ELMOD1: variants seen among roughly 807,000 people sequenced by gnomAD.
ELMOD1 encodes the protein ELMO domain-containing protein 1.
A neutral mutation model predicts 46.7 loss-of-function variants in ELMOD1; 21 were observed. That is an observed-to-expected ratio of 0.45 (90% CI 0.32 to 0.65). The LOEUF is 0.65. Ranked by LOEUF, ELMOD1 falls within the 30% of genes least tolerant of loss-of-function variation. The pLI is 0.04. For synonymous variants in ELMOD1, 122 were observed against 138.2 expected, an observed-to-expected ratio of 0.88 and a Z score of 0.82; for missense variants, 348 against 407.8, an observed-to-expected ratio of 0.85 and a Z score of 1.26.
rs1866824552 is a variant in ELMOD1, at chr11:107,665,323, T to TTTTCATCTC, written c.*129_*137dup. 1 of 959,716 alleles carries TTTTCATCTC rather than the reference T, an allele frequency of 1.0e-6. No individual in the cohort carries two copies. Among genetic ancestry groups the TTTTCATCTC allele is most frequent in the South Asian group, 1.6e-5 (1 of 60,614 alleles). 59.5% of individuals were successfully genotyped at this position (959,716 alleles called of 1,614,324 possible). A position where few individuals can be genotyped will look rare whatever the true frequency, so the allele number is the denominator to read the frequency against. ...TGTATGCATGCCTTTTGGTACAGTG[T>TTTTCATCTC]TTTCATCTCTTGGTCATAATTCCGA... On this transcript the variant is annotated 3_prime_UTR_variant, in exon 12 of 12. Transcript: ENST00000265840.
chr11:107,595,023 G>A (rs1865468650), intron 1 of ELMOD1, among the ~76,000 whole-genome samples: 1 of 152,120 alleles, frequency 6.6e-6, no homozygotes. Flanking sequence ...TAAATTTCCA[G>A]GAAAGTTGAT....
intron 5 of ELMOD1, among the ~76,000 whole-genome samples, chr11:107,633,972 G>T (rs889152624): frequency 6.6e-6 from 1 of 152,116 alleles, no homozygotes; most frequent in East Asian, 1.9e-4. Flanking sequence ...CTGTCTGACT[G>T]TCCTGTACGT....
In ELMOD1 at chr11:107,635,699, T is replaced by A. The variant is rs1462751606; in HGVS notation, c.354T>A (p.Asp118Glu). Residue 118 changes from aspartate to glutamate, a missense_variant, in exon 6 of 12, where the codon GAT (aspartate) becomes GAA (glutamate). By Grantham distance (45) the Asp-to-Glu change is conservative. Transcript: ENST00000265840. ...TTGGGTACAGGAACCTTATTGCAGA[T>A]GTGGAAAAACTGCGTAGAGAGGCCT... is the stretch of plus-strand genomic sequence containing the variant. ...QIVGYRNLIADVEKLRREAYD... is the reference protein window; with the variant it reads ...QIVGYRNLIAEVEKLRREAYD... The A allele has an allele frequency of 6.2e-7, 1 of 1,613,820 alleles. No individual in the cohort carries two copies. Among genetic ancestry groups the A allele is most frequent in the East Asian group, 2.2e-5 (1 of 44,890 alleles).
At chr11:107,637,985 A>G (rs1051254612) in intron 6 of ELMOD1, among the ~76,000 whole-genome samples, 2 of 152,088 alleles carry the variant, frequency 1.3e-5, no homozygotes. Context: ...TTAGCATGGC[A>G]TTTTGGAGGC....
At chr11:107,657,181 T>A (rs1866649251) in intron 11 of ELMOD1, among the ~76,000 whole-genome samples, 1 of 152,088 alleles carries the variant, frequency 6.6e-6, no homozygotes, top group African/African-American at 2.4e-5. Flanking sequence ...CACAATGAAT[T>A]GGGAATCAAG....
intron 5 of ELMOD1, 26 bp from the exon 6 acceptor site, chr11:107,635,610 G>A: frequency 6.2e-7 from 1 of 1,604,026 alleles, no homozygotes; most frequent in Non-Finnish European, 8.5e-7. Flanking sequence ...TTCCTTGTGT[G>A]TCTCTTCTGT....
chr11:107,605,701 G>A (rs978246586), intron 1 of ELMOD1, among the ~76,000 whole-genome samples: 5 of 152,188 alleles, frequency 3.3e-5, no homozygotes, highest in African/African-American at 1.2e-4. Context: ...AACTCTGGAT[G>A]AGTGTTTTAT....
chr11:107,611,812 ACAATGAGATAC>A (rs1281382755), intron 1 of ELMOD1, among the ~76,000 whole-genome samples: 1 of 152,070 alleles, frequency 6.6e-6, no homozygotes, highest in Non-Finnish European at 1.5e-5. Flanking sequence ...AATCAAAACC[ACAATGAGATAC>A]CATCTCACAT....
intron 6 of ELMOD1, among the ~76,000 whole-genome samples, chr11:107,644,449 A>T (rs1866381974): frequency 6.6e-6 from 1 of 152,018 alleles, no homozygotes; most frequent in African/African-American, 2.4e-5. Flanking sequence ...CACTCACTCG[A>T]TGAAACAAGA....
rs541052937 is a variant in ELMOD1, at chr11:107,603,245, A to G, written c.-86+11836A>G. Among the ~76,000 whole-genome samples the G allele has an allele frequency of 8.5e-5, 13 of 152,344 alleles. No homozygotes were observed. The South Asian group carries it at 1.7e-3, about 19-fold the overall frequency. On this transcript the variant is annotated intron_variant, in intron 1 of 11. Transcript: ENST00000265840. ...CATAGGTCCTAACTACTCCTATGAA[A>G]ACTTTCAACCAGGCTGGGCACAGTG... is the stretch of plus-strand genomic sequence containing the variant.
In ELMOD1 at chr11:107,608,031, A is replaced by C. The variant is rs565222863; in HGVS notation, c.-85-10074A>C. ...TTTCATTAGTGCTAAAAAAAAAAAA[A>C]AAGAAAAAAAAAAGAAAAAAAAACT... On this transcript the variant is annotated intron_variant, in intron 1 of 11. Transcript: ENST00000265840. 2.9e-4 allele frequency among the ~76,000 whole-genome samples: 44 copies of C among 149,912 alleles called. 2 individuals carry two copies. In the South Asian group the frequency reaches 4.2e-3, roughly 14 times the overall value.
At chr11:107,627,464 A>G (rs541859856) in intron 2 of ELMOD1, among the ~76,000 whole-genome samples, 3 of 152,248 alleles carry the variant, frequency 2.0e-5, no homozygotes, top group African/African-American at 7.2e-5. Flanking sequence ...ATCATCAAGG[A>G]AGTTTTTTTT....
At chr11:107,621,011 A>C (rs1865938349) in intron 2 of ELMOD1, among the ~76,000 whole-genome samples, 1 of 152,274 alleles carries the variant, frequency 6.6e-6, no homozygotes, top group African/African-American at 2.4e-5. Context: ...AATATATTTT[A>C]CTAACTTTAA....
intron 1 of ELMOD1, chr11:107,591,900 C>T (rs1435628148): frequency 6.1e-6 from 3 of 495,658 alleles, no homozygotes; most frequent in Admixed American, 2.2e-5. Flanking sequence ...GTCCTCCGCG[C>T]AGCGAGCTGG....
At position 107,656,319 on chromosome 11, in the gene ELMOD1, T is replaced by C. The variant is rs534530187; in HGVS notation, c.832+253T>C. Reference sequence around the variant, plus strand: ...AGGATAATTACTTGAACCCAGCAGATGGAGGTTGCAGTGAGCCGAGATCAT... The same window carrying C: ...AGGATAATTACTTGAACCCAGCAGACGGAGGTTGCAGTGAGCCGAGATCAT... On this transcript the variant is annotated intron_variant, in intron 11 of 11. Coordinates refer to ENST00000265840, the MANE Select transcript of ELMOD1 (RefSeq NM_018712.4). 3.5e-4 allele frequency among the ~76,000 whole-genome samples: 53 copies of C among 151,460 alleles called. No homozygotes were observed. In the East Asian group the frequency reaches 9.9e-3, roughly 28 times the overall value.
chr11:107,609,747 C>T (rs1027272742), intron 1 of ELMOD1, among the ~76,000 whole-genome samples: 1 of 152,218 alleles, frequency 6.6e-6, no homozygotes, highest in Admixed American at 6.5e-5. Flanking sequence ...TAGCTTAGCA[C>T]TGAAGTATCA....
At position 107,601,395 on chromosome 11, in the gene ELMOD1, A is replaced by G. The variant is rs191756454; in HGVS notation, c.-86+9986A>G. ...TAATTCTAATTTTTTCTTATTTTCT[A>G]TTAATGTCTATTAATTTTTTCTTTT... is the stretch of plus-strand genomic sequence containing the variant. On this transcript the variant is annotated intron_variant, in intron 1 of 11. Coordinates refer to ENST00000265840, the MANE Select transcript of ELMOD1 (RefSeq NM_018712.4). 3.1e-3 allele frequency among the ~76,000 whole-genome samples: 447 copies of G among 142,342 alleles called. 3 individuals are homozygous for G. The highest frequency in any genetic ancestry group is 5.1e-3 in the Non-Finnish European group (333 of 64,698). 93.4% of individuals were successfully genotyped at this position (142,342 alleles called of 152,430 possible). A position where few individuals can be genotyped will look rare whatever the true frequency, so the allele number is the denominator to read the frequency against.
chr11:107,595,592 C>A (rs1865479332), intron 1 of ELMOD1, among the ~76,000 whole-genome samples: 1 of 152,108 alleles, frequency 6.6e-6, no homozygotes, highest in Non-Finnish European at 1.5e-5. Context: ...CCAGAGAGAA[C>A]CTTAACTGAA....
chr11:107,631,615 T>C lies in ELMOD1; in HGVS notation c.228T>C (p.Ala76=). The change falls in exon 5 of 12, where the codon GCT becomes GCC. Residue 76 remains alanine, a synonymous_variant. Coordinates refer to ENST00000265840, the MANE Select transcript of ELMOD1 (RefSeq NM_018712.4). ...LQTSVSVHPD[A]IEKTIEDIME... ...CTTCTGTGAGTGTTCACCCCGACGC[T>C]ATTGAAAAAACTATAGAAGATATCA... The C allele has an allele frequency of 6.4e-7, 1 of 1,566,476 alleles. No individual in the cohort carries two copies. The highest frequency in any genetic ancestry group is 8.7e-7 in the Non-Finnish European group (1 of 1,154,800).
Sources: gnomAD v4.1 joint callset for allele counts (sites outside exome capture counted in the v4.1 genomes callset) on GRCh38, gnomAD v4.1.1 for gene constraint, MANE v1.5 for transcripts, NCBI Gene and HGNC (gene_info 2026-07-23, HGNC 2026-07-21) for gene names.